BCAR3: variants seen among roughly 807,000 people sequenced by gnomAD.
BCAR3 encodes breast cancer anti-estrogen resistance protein 3.
In BCAR3, 37 loss-of-function variants were observed where a neutral mutation model predicts 80.1. The observed-to-expected ratio is 0.46, with a 90% CI of 0.36 to 0.61. The LOEUF (loss-of-function observed/expected upper bound fraction) is 0.61, where lower values mean the gene tolerates loss of function less well. BCAR3 is among the 20% of genes least tolerant of loss of function. BCAR3 has a pLI of 0.00. For missense variants in BCAR3, 978 were observed against 1,068.2 expected (o/e 0.92, Z 1.18); for synonymous variants, 389 against 418.9 (o/e 0.93, Z 0.87).
chr1:93,646,795 C>T (rs1486514109), intron 2 of BCAR3, among the ~76,000 whole-genome samples: 1 of 151,928 alleles, frequency 6.6e-6, no homozygotes, highest in African/African-American at 2.4e-5. Flanking sequence ...AATAAATAAC[C>T]TTAAAATTAA....
intron 8 of BCAR3, among the ~76,000 whole-genome samples, chr1:93,575,641 A>C (rs1185869522): frequency 6.6e-6 from 1 of 152,204 alleles, no homozygotes; most frequent in East Asian, 1.9e-4. Context: ...ACAAAGGGGC[A>C]GCTTGCTGGG....
intron 3 of BCAR3, among the ~76,000 whole-genome samples, chr1:93,691,085 A>G (rs1316572169): frequency 6.6e-6 from 1 of 152,230 alleles, no homozygotes; most frequent in East Asian, 1.9e-4. Context: ...GGAGGAGAAT[A>G]TGGAGCCTCA....
At chr1:93,636,290 C>T (rs1675776579) in intron 3 of BCAR3, among the ~76,000 whole-genome samples, 1 of 152,226 alleles carries the variant, frequency 6.6e-6, no homozygotes, top group Admixed American at 6.5e-5. Flanking sequence ...GTCCTTTCTT[C>T]TCCTAACCTG....
At chr1:93,567,907 C>G in intron 9 of BCAR3, 56 bp from the exon 10 acceptor site, 1 of 1,470,526 alleles carries the variant, frequency 6.8e-7, no homozygotes, top group Non-Finnish European at 9.5e-7. Context: ...CTTTTAGTGG[C>G]TGGGCGTGGT....
chr1:93,573,726 T>G (rs1422564203), intron 8 of BCAR3, among the ~76,000 whole-genome samples: 1 of 151,746 alleles, frequency 6.6e-6, no homozygotes, highest in Admixed American at 6.6e-5. Flanking sequence ...CCTCCCTGGC[T>G]CAAAGGATCC....
upstream of BCAR3, among the ~76,000 whole-genome samples, chr1:93,685,289 C>T (rs538681472): frequency 1.3e-5 from 2 of 152,078 alleles, no homozygotes; most frequent in Non-Finnish European, 2.9e-5. Context: ...AGACCCCCTC[C>T]CACTAGAAAT....
At chr1:93,563,913 C>T (rs539396239) in intron 11 of BCAR3, among the ~76,000 whole-genome samples, 32 of 152,112 alleles carry the variant, frequency 2.1e-4, no homozygotes, top group Non-Finnish European at 4.4e-4. Context: ...AGGCTGGTCT[C>T]GAACTTTTGA....
intron 2 of BCAR3, among the ~76,000 whole-genome samples, chr1:93,811,111 G>A (rs777574616): frequency 3.9e-5 from 6 of 152,356 alleles, no homozygotes; most frequent in East Asian, 1.9e-4. Context: ...AGTACAGCTC[G>A]TGAGGGACCA....
intron 2 of BCAR3, among the ~76,000 whole-genome samples, chr1:93,763,030 A>G (rs1652009077): frequency 6.6e-6 from 1 of 152,224 alleles, no homozygotes; most frequent in Admixed American, 6.5e-5. Flanking sequence ...CAATCATGTC[A>G]TGATCTACAT....
chr1:93,825,733 G>T (rs1410804889), intron 2 of BCAR3, among the ~76,000 whole-genome samples: 2 of 152,146 alleles, frequency 1.3e-5, no homozygotes, highest in Non-Finnish European at 2.9e-5. Flanking sequence ...AGAGGAGAGG[G>T]TATCATTTAA....
intron 3 of BCAR3, among the ~76,000 whole-genome samples, chr1:93,603,061 A>G (rs1018964625): frequency 6.6e-6 from 1 of 152,254 alleles, no homozygotes; most frequent in Non-Finnish European, 1.5e-5. Flanking sequence ...TACTTTTCCC[A>G]CTGGGATGCT....
chr1:93,741,474 T>C (rs1651173961), intron 2 of BCAR3, among the ~76,000 whole-genome samples: 1 of 152,234 alleles, frequency 6.6e-6, no homozygotes, highest in African/African-American at 2.4e-5. Context: ...CATAAGGTTG[T>C]TGTAAGGATT....
intron 2 of BCAR3, among the ~76,000 whole-genome samples, chr1:93,832,982 G>A (rs1654626379): frequency 1.3e-5 from 2 of 152,170 alleles, no homozygotes; most frequent in South Asian, 4.1e-4. Flanking sequence ...CCTTGGTGAT[G>A]GATGATGCCC....
intron 5 of BCAR3, 45 bp from the exon 6 acceptor site, chr1:93,584,166 A>C: frequency 6.4e-7 from 1 of 1,567,764 alleles, no homozygotes; most frequent in Non-Finnish European, 8.7e-7. Flanking sequence ...ACTAACGTGT[A>C]AAATAAAACT....
At chr1:93,839,468 T>C (rs1368747681) in intron 2 of BCAR3, among the ~76,000 whole-genome samples, 2 of 152,204 alleles carry the variant, frequency 1.3e-5, no homozygotes, top group East Asian at 3.8e-4. Context: ...AAAGCTTAGA[T>C]ACCTCTGGCT....
Position 93,592,331 on chromosome 1 carries a change from C to T in BCAR3, c.420G>A (p.Glu140=). 5.6e-6 allele frequency: 9 copies of T among 1,610,450 alleles called. 1 individual carries two copies. Among genetic ancestry groups the T allele is most frequent in the Non-Finnish European group, 7.6e-6 (9 of 1,179,870 alleles). ...GGTCCTCGCTGCTCAGGAGCAGCTCCTCCTCCAGCTCCTTCTTCAGTTTCT... is the reference window on the plus strand; with the variant it reads ...GGTCCTCGCTGCTCAGGAGCAGCTCTTCCTCCAGCTCCTTCTTCAGTTTCT... ...TPEKLKKELE[E]ELLLSSEDLR... is the part of the protein sequence containing the mutation. The change falls in exon 4 of 12, where the codon GAG becomes GAA. Residue 140 remains glutamate, a synonymous_variant. Transcript: ENST00000260502. The surrounding 1 kb of genome is among the most constrained non-coding windows in gnomAD (Gnocchi z 4.8).
intron 3 of BCAR3, among the ~76,000 whole-genome samples, chr1:93,696,042 CT>C (rs35365686): frequency 1.0e-3 from 152 of 146,058 alleles, no homozygotes; most frequent in Admixed American, 1.2e-3. Flanking sequence ...CTGCTTCTCT[CT>C]TTTTTTTTTT....
intron 3 of BCAR3, among the ~76,000 whole-genome samples, chr1:93,623,542 G>A (rs191597296): frequency 3.3e-5 from 5 of 152,268 alleles, no homozygotes; most frequent in Middle Eastern, 3.4e-3. Flanking sequence ...TATAAGCCTA[G>A]AGCAGCCCAC....
chr1:93,833,701 T>C (rs1164722977), intron 2 of BCAR3, among the ~76,000 whole-genome samples: 1 of 152,098 alleles, frequency 6.6e-6, no homozygotes, highest in Admixed American at 6.5e-5. Flanking sequence ...TCAGACTTCA[T>C]GGTTATCTCC....
Sources: gnomAD v4.1 joint callset for allele counts (sites outside exome capture counted in the v4.1 genomes callset) on GRCh38, gnomAD v4.1.1 for gene constraint, Gnocchi (gnomAD v3.1) non-coding constraint, MANE v1.5 for transcripts, NCBI Gene and HGNC (gene_info 2026-07-23, HGNC 2026-07-21) for gene names.